Variants in APLF observed in about 807,000 individuals in gnomAD.
APLF encodes the protein aprataxin and PNKP like factor.
APLF carries 61 observed loss-of-function variants against 55.6 expected under a neutral mutation model. That is an observed-to-expected ratio of 1.10 (90% confidence interval 0.89 to 1.36). The LOEUF (loss-of-function observed/expected upper bound fraction) is 1.36. APLF is among the 40% of genes most tolerant of loss of function. The pLI is 0.00. For missense variants in APLF, 611 were observed against 602.5 expected, an observed-to-expected ratio of 1.01 and a Z score of -0.15; for synonymous variants, 207 against 214.8, an observed-to-expected ratio of 0.96 and a Z score of 0.32.
chr2:68,545,280 G>T lies in APLF; in HGVS notation c.1254G>T (p.Arg418=), dbSNP rs370854930. 1.2e-5 allele frequency: 19 copies of T among 1,613,656 alleles called. No homozygotes were observed. Among genetic ancestry groups the T allele is most frequent in the Non-Finnish European group, 1.3e-5 (15 of 1,179,788 alleles). ...TGGGCCAAGATGAGACTGATGACCG[G>T]CCTGAATGTCCCTATGGACCATCCT... is the stretch of plus-strand genomic sequence containing the variant. The part of the protein sequence containing the change: ...QIVGQDETDD[R]PECPYGPSCY... The change falls in exon 8 of 10, where the codon CGG becomes CGT. Residue 418 remains arginine (R), a synonymous_variant. Transcript: ENST00000303795.
chr2:68,496,342 T>G (rs1274185040), intron 2 of APLF, among the ~76,000 whole-genome samples: 1 of 152,090 alleles, frequency 6.6e-6, no homozygotes, highest in Non-Finnish European at 1.5e-5. Flanking sequence ...TGACCTCAGG[T>G]GATTCACCAG....
Position 68,509,627 on chromosome 2 carries a change from A to T in APLF, c.342-3453A>T, listed in dbSNP as rs183506516. On this transcript the variant is annotated intron_variant, in intron 3 of 9. Coordinates refer to ENST00000303795, the MANE Select transcript of APLF (RefSeq NM_173545.3). ...ACTTTTACACTGTTGGTGGGACTGT[A>T]AACTAGTTCAACCACTGTGGAAGAC... Among the ~76,000 whole-genome samples, 361 of 152,246 alleles carry T rather than the reference A, an allele frequency of 2.4e-3. 7 individuals are homozygous for T. Among genetic ancestry groups the T allele is most frequent in the Admixed American group, 0.023 (345 of 15,278 alleles).
intron 8 of APLF, among the ~76,000 whole-genome samples, chr2:68,557,816 C>T (rs1251429138): frequency 6.6e-6 from 1 of 151,510 alleles, no homozygotes; most frequent in Non-Finnish European, 1.5e-5. Context: ...GAGGCTTAGG[C>T]AGGAGAATCA....
chr2:68,494,112 GA>G (rs1479392264), intron 2 of APLF, among the ~76,000 whole-genome samples: 3 of 136,874 alleles, frequency 2.2e-5, no homozygotes, highest in African/African-American at 8.2e-5. Flanking sequence ...CGTCCCAAAA[GA>G]GAAAAAAAAA....
chr2:68,534,313 G>T (rs1281898469), intron 6 of APLF, among the ~76,000 whole-genome samples: 1 of 152,210 alleles, frequency 6.6e-6, no homozygotes. Flanking sequence ...TGAAGTTGGG[G>T]CTAGAGGTTA....
chr2:68,518,437 T>TATATAATAATATATTATATATTATATAAC (rs1669730348), intron 5 of APLF, among the ~76,000 whole-genome samples: 3 of 113,096 alleles, frequency 2.7e-5, no homozygotes, highest in Admixed American at 1.1e-4. Flanking sequence ...TATTATATAA[T>TATATAATAATATATTATATATTATATAAC]ATATAATAAT....
chr2:68,516,930 AT>A (rs1669598327), intron 5 of APLF, among the ~76,000 whole-genome samples: 1 of 125,214 alleles, frequency 8.0e-6, no homozygotes, highest in Non-Finnish European at 1.6e-5. Flanking sequence ...ATTATATATA[AT>A]ATATAATATA....
intron 2 of APLF, 138 bp from the exon 3 acceptor site, chr2:68,502,593 C>CT (rs1676756685): frequency 2.1e-6 from 1 of 466,114 alleles, no homozygotes; most frequent in East Asian, 3.8e-5. Context: ...ACTTTTAAGT[C>CT]TAAGTTTATG....
chr2:68,479,085 T>A (rs1006548502), intron 1 of APLF, among the ~76,000 whole-genome samples: 1 of 152,120 alleles, frequency 6.6e-6, no homozygotes, highest in African/African-American at 2.4e-5. Flanking sequence ...GTAACGAAGG[T>A]GCTGAAGTGG....
intron 1 of APLF, among the ~76,000 whole-genome samples, chr2:68,484,168 T>C (rs1374909618): frequency 6.6e-6 from 1 of 151,952 alleles, no homozygotes; most frequent in East Asian, 1.9e-4. Context: ...AAGTATTTGG[T>C]AACAGATCAT....
At chr2:68,497,190 A>G (rs907974813) in intron 2 of APLF, among the ~76,000 whole-genome samples, 1 of 152,112 alleles carries the variant, frequency 6.6e-6, no homozygotes, top group African/African-American at 2.4e-5. Flanking sequence ...GAAGCTTACA[A>G]TCATGGAAAA....
intron 8 of APLF, among the ~76,000 whole-genome samples, chr2:68,555,864 A>G (rs1274583860): frequency 1.3e-5 from 2 of 152,240 alleles, no homozygotes; most frequent in Admixed American, 1.3e-4. Flanking sequence ...ATCTACCCAG[A>G]GGAAATGAAG....
Position 68,558,458 on chromosome 2 carries a change from G to C in APLF, c.1287-8883G>C, listed in dbSNP as rs374492704. Among the ~76,000 whole-genome samples, 13 of 152,000 alleles carry C rather than the reference G, an allele frequency of 8.6e-5. No individual in the cohort carries two copies. In the East Asian group the frequency reaches 2.5e-3, roughly 29 times the overall value. ...AGATTTTTGATAATGTGGGATTTAT[G>C]GTTTTGCTTCAGGTTTTAAAATACA... is the stretch of plus-strand genomic sequence containing the variant. On this transcript the variant is annotated intron_variant, in intron 8 of 9. Coordinates refer to ENST00000303795, the MANE Select transcript of APLF (RefSeq NM_173545.3).
intron 6 of APLF, 90 bp downstream of exon 6, chr2:68,526,332 C>T: frequency 6.8e-7 from 1 of 1,467,572 alleles, no homozygotes; most frequent in Non-Finnish European, 9.3e-7. Flanking sequence ...GAAATCAAAA[C>T]TGCCTTTTAT....
Position 68,482,027 on chromosome 2 carries a change from A to G in APLF, c.97-8163A>G, listed in dbSNP as rs138307957. ...GATTTTGGTAAATTGGGTTATCTGC[A>G]TTCTCTTCTATCCTGTTGACTTTCT... On this transcript the variant is annotated intron_variant, in intron 1 of 9. Transcript: ENST00000303795. Among the ~76,000 whole-genome samples the G allele has an allele frequency of 3.3e-5, 5 of 150,898 alleles. No homozygotes were observed. The East Asian group carries it at 9.7e-4, about 29-fold the overall frequency.
intron 5 of APLF, among the ~76,000 whole-genome samples, chr2:68,518,384 T>C (rs1401599241): frequency 3.9e-5 from 4 of 102,726 alleles, no homozygotes; most frequent in Non-Finnish European, 6.7e-5. Context: ...GACTGTATTA[T>C]ATTATTAATA....
chr2:68,575,584 G>T (rs1010593742), intron 9 of APLF, among the ~76,000 whole-genome samples: 2 of 151,884 alleles, frequency 1.3e-5, no homozygotes, highest in African/African-American at 4.8e-5. Flanking sequence ...GCATTAGAGT[G>T]GATGTGATCA....
chr2:68,520,305 G>C (rs557980110), intron 5 of APLF, among the ~76,000 whole-genome samples: 2 of 152,064 alleles, frequency 1.3e-5, no homozygotes, highest in Admixed American at 6.6e-5. Flanking sequence ...GCGTGCAGAA[G>C]CTTTTTAGTT....
intron 9 of APLF, among the ~76,000 whole-genome samples, chr2:68,572,015 A>G (rs1177120418): frequency 6.6e-6 from 1 of 152,108 alleles, no homozygotes; most frequent in Non-Finnish European, 1.5e-5. Flanking sequence ...AGGTTTCTCT[A>G]TTTCTACAAT....
Sources: gnomAD v4.1 joint callset for allele counts (sites outside exome capture counted in the v4.1 genomes callset) on GRCh38, gnomAD v4.1.1 for gene constraint, MANE v1.5 for transcripts, NCBI Gene and HGNC (gene_info 2026-07-23, HGNC 2026-07-21) for gene names.